Variants in GRM1 observed in about 807,000 individuals in gnomAD.
GRM1 encodes glutamate metabotropic receptor 1.
GRM1 carries 33 observed loss-of-function variants against 90.9 expected under a neutral mutation model. The ratio of observed to expected loss-of-function variants is 0.36; its 90% CI spans 0.28 to 0.49. GRM1 has a LOEUF of 0.49. GRM1 is among the 20% of genes least tolerant of loss of function. The pLI, the probability that GRM1 is intolerant of heterozygous loss-of-function variation, is 0.99. For missense variants in GRM1, 1,190 were observed against 1,534.3 expected, an observed-to-expected ratio of 0.78 and a Z score of 3.75; for synonymous variants, 700 against 613.2, an observed-to-expected ratio of 1.14 and a Z score of -2.09.
chr6:146,328,889 C>G (rs923744135), intron 3 of GRM1, among the ~76,000 whole-genome samples: 1 of 152,190 alleles, frequency 6.6e-6, no homozygotes, highest in Non-Finnish European at 1.5e-5. Context: ...CATGACCCTG[C>G]AGAGGACAGA....
At chr6:146,046,858 A>G (rs957497573) in intron 1 of GRM1, among the ~76,000 whole-genome samples, 2 of 151,984 alleles carry the variant, frequency 1.3e-5, no homozygotes, top group African/African-American at 2.4e-5. Flanking sequence ...TTGCCACATC[A>G]TTGTGAGAGG....
intron 1 of GRM1, among the ~76,000 whole-genome samples, chr6:146,078,335 C>T (rs1776256417): frequency 6.6e-6 from 1 of 152,128 alleles, no homozygotes; most frequent in African/African-American, 2.4e-5. Flanking sequence ...TTTTTAATGG[C>T]AGTCTGAAAG....
At chr6:146,049,289 C>T (rs975534084) in intron 1 of GRM1, among the ~76,000 whole-genome samples, 1 of 151,934 alleles carries the variant, frequency 6.6e-6, no homozygotes, top group African/African-American at 2.4e-5. Context: ...GGGTATTTCC[C>T]AAGAGATTCA....
chr6:146,169,753 G>A (rs1778032915), intron 2 of GRM1, among the ~76,000 whole-genome samples: 1 of 152,100 alleles, frequency 6.6e-6, no homozygotes, highest in South Asian at 2.1e-4. Flanking sequence ...GAGAATTATA[G>A]TCCTATATTG....
At chr6:146,106,105 GT>G (rs1241130690) in intron 1 of GRM1, among the ~76,000 whole-genome samples, 1 of 152,118 alleles carries the variant, frequency 6.6e-6, no homozygotes, top group Non-Finnish European at 1.5e-5. Context: ...TTCTAAAAAG[GT>G]TTAATGCGTC....
chr6:146,110,534 A>C (rs1775517533), intron 1 of GRM1, among the ~76,000 whole-genome samples: 1 of 152,160 alleles, frequency 6.6e-6, no homozygotes, highest in Non-Finnish European at 1.5e-5. Context: ...AAATGTACTA[A>C]TACACCCTAC....
At chr6:146,225,870 A>G (rs867860399) in intron 2 of GRM1, among the ~76,000 whole-genome samples, 3 of 152,190 alleles carry the variant, frequency 2.0e-5, no homozygotes, top group South Asian at 2.1e-4. Context: ...ATATTAGTAT[A>G]AATGAGTATG....
At chr6:146,140,318 G>C (rs1262124256) in intron 1 of GRM1, among the ~76,000 whole-genome samples, 1 of 151,716 alleles carries the variant, frequency 6.6e-6, no homozygotes, top group East Asian at 1.9e-4. Flanking sequence ...TGCCCAGGCT[G>C]GAGTGCAGTG....
chr6:146,348,751 G>T (rs1785270379), intron 3 of GRM1, among the ~76,000 whole-genome samples: 1 of 152,182 alleles, frequency 6.6e-6, no homozygotes, highest in Non-Finnish European at 1.5e-5. Context: ...TGCACATCTG[G>T]AATGATCCCA....
intron 2 of GRM1, among the ~76,000 whole-genome samples, chr6:146,212,429 A>G (rs1259460647): frequency 6.6e-6 from 1 of 152,214 alleles, no homozygotes; most frequent in Non-Finnish European, 1.5e-5. Context: ...CCTCAAATAA[A>G]TAAGTCAGTA....
intron 7 of GRM1, among the ~76,000 whole-genome samples, chr6:146,412,958 A>G (rs979478374): frequency 2.0e-5 from 3 of 152,110 alleles, no homozygotes; most frequent in Non-Finnish European, 2.9e-5. Context: ...TCTTAGTTCT[A>G]TAATTAAGGA....
intron 1 of GRM1, among the ~76,000 whole-genome samples, chr6:146,108,364 G>GA (rs1456610258): frequency 6.6e-6 from 1 of 152,106 alleles, no homozygotes; most frequent in African/African-American, 2.4e-5. Flanking sequence ...ATGGGGGTGG[G>GA]TCCTTCCCAT....
intron 3 of GRM1, among the ~76,000 whole-genome samples, chr6:146,305,096 C>T (rs2114926916): frequency 6.6e-6 from 1 of 150,590 alleles, no homozygotes; most frequent in African/African-American, 2.4e-5. Flanking sequence ...GAAAAGCAAA[C>T]TGAGGAGTCA....
rs1491043069 is a variant in GRM1 at position 146,399,750 on chromosome 6, T to TC, written c.2660+51_2660+52insC. The TC allele has an allele frequency of 3.5e-5, 43 of 1,239,812 alleles. No homozygotes were observed. The African/African-American group carries it at 4.5e-4, about 13-fold the overall frequency. 76.8% of individuals were successfully genotyped at this position (1,239,812 alleles called of 1,614,324 possible). Reference sequence around the variant, plus strand: ...TCTTTTCTCTTCCTTTCTCTGTCTCTTTCTCTCTCTCTCTCTCTCTCTCTT... The same window carrying TC: ...TCTTTTCTCTTCCTTTCTCTGTCTCTCTTCTCTCTCTCTCTCTCTCTCTCTT... On this transcript the variant is annotated intron_variant, in intron 7 of 7. Transcript: ENST00000282753. The surrounding 1 kb of genome is among the most constrained non-coding windows in gnomAD (Gnocchi z 5.4).
rs1017852405 is a variant in GRM1 at position 146,029,218 on chromosome 6, A to G, written c.-300A>G. Reference sequence around the variant, plus strand: ...AGCAGCATCTAGCTCACCGCTGCCAACACGACTTCCACTGTACTCTTGATC... The same window carrying G: ...AGCAGCATCTAGCTCACCGCTGCCAGCACGACTTCCACTGTACTCTTGATC... On this transcript the variant is annotated 5_prime_UTR_variant, in exon 1 of 8. Transcript: ENST00000282753. 5 of 465,912 alleles carry G rather than the reference A, an allele frequency of 1.1e-5. No homozygotes were observed. The highest frequency in any genetic ancestry group is 1.2e-5 in the Non-Finnish European group (3 of 253,510). 28.9% of individuals were successfully genotyped at this position (465,912 alleles called of 1,614,324 possible). A position where few individuals can be genotyped will look rare whatever the true frequency, so the allele number is the denominator to read the frequency against.
intron 5 of GRM1, among the ~76,000 whole-genome samples, chr6:146,379,677 A>G (rs1345835413): frequency 6.6e-6 from 1 of 152,092 alleles, no homozygotes; most frequent in Non-Finnish European, 1.5e-5. Context: ...TAGGTATTTA[A>G]TGTAGCCTTT....
intron 3 of GRM1, among the ~76,000 whole-genome samples, chr6:146,332,850 A>G (rs1384497020): frequency 2.0e-5 from 3 of 152,110 alleles, no homozygotes; most frequent in African/African-American, 7.2e-5. Context: ...CTGCCATCTA[A>G]TATACCCAAA....
chr6:146,157,580 G>A (rs1777566297), intron 1 of GRM1, among the ~76,000 whole-genome samples: 1 of 152,156 alleles, frequency 6.6e-6, no homozygotes, highest in Non-Finnish European at 1.5e-5. Flanking sequence ...CAATGAATGA[G>A]TAACTCAAGA....
chr6:146,335,837 C>T (rs987985551), intron 3 of GRM1, among the ~76,000 whole-genome samples: 3 of 152,268 alleles, frequency 2.0e-5, no homozygotes, highest in East Asian at 1.9e-4. Flanking sequence ...ATAATCCCCA[C>T]GTGTCCAGGA....
Sources: gnomAD v4.1 joint callset for allele counts (sites outside exome capture counted in the v4.1 genomes callset) on GRCh38, gnomAD v4.1.1 for gene constraint, Gnocchi (gnomAD v3.1) non-coding constraint, MANE v1.5 for transcripts, NCBI Gene and HGNC (gene_info 2026-07-23, HGNC 2026-07-21) for gene names.